SHOC2: variants seen among roughly 807,000 people sequenced by gnomAD.
SHOC2 encodes the protein leucine-rich repeat protein SHOC-2.
A neutral mutation model predicts 50.2 loss-of-function variants in SHOC2; 4 were observed. That is an observed-to-expected ratio of 0.08 (90% CI 0.04 to 0.18). SHOC2 has a LOEUF of 0.18. Ranked by LOEUF, SHOC2 falls within the 10% of genes least tolerant of loss-of-function variation. The pLI, the probability that SHOC2 is intolerant of heterozygous loss-of-function variation, is 1.00. For synonymous variants in SHOC2, 218 were observed against 244.5 expected, an observed-to-expected ratio of 0.89 and a Z score of 1.01; for missense variants, 388 against 669.6, an observed-to-expected ratio of 0.58 and a Z score of 4.64.
intron 1 of SHOC2, among the ~76,000 whole-genome samples, chr10:110,950,834 T>C (rs1847337389): frequency 6.6e-6 from 1 of 152,184 alleles, no homozygotes; most frequent in Admixed American, 6.5e-5. Context: ...CATAAAAATT[T>C]CATTCCTGTA....
At chr10:110,928,620 GC>G (rs993611686) in intron 1 of SHOC2, among the ~76,000 whole-genome samples, 5 of 152,122 alleles carry the variant, frequency 3.3e-5, no homozygotes, top group African/African-American at 1.2e-4. Context: ...TGTATGGCAG[GC>G]ACAGTAGCTT....
chr10:110,940,804 T>C (rs1316596453), intron 1 of SHOC2, among the ~76,000 whole-genome samples: 1 of 152,082 alleles, frequency 6.6e-6, no homozygotes, highest in Non-Finnish European at 1.5e-5. Context: ...ATACGTTTTT[T>C]AGAATGTTTG....
At chr10:110,996,521 C>CT (rs1361196518) in intron 3 of SHOC2, among the ~76,000 whole-genome samples, 1 of 150,826 alleles carries the variant, frequency 6.6e-6, no homozygotes, top group African/African-American at 2.4e-5. Flanking sequence ...GAGTCAGACT[C>CT]TGTCTCTTAA....
intron 1 of SHOC2, among the ~76,000 whole-genome samples, chr10:110,947,444 ACTT>A (rs1847267194): frequency 6.6e-6 from 1 of 152,248 alleles, no homozygotes. Flanking sequence ...AGAGGTGACT[ACTT>A]CTTCAAATAT....
At chr10:110,980,171 T>G (rs1320072480) in intron 2 of SHOC2, among the ~76,000 whole-genome samples, 4 of 151,146 alleles carry the variant, frequency 2.6e-5, no homozygotes, top group Non-Finnish European at 5.9e-5. Flanking sequence ...TTTTTTTTTT[T>G]TTTTTGAGAT....
In SHOC2 at chr10:110,969,584, TA is replaced by T. The variant is rs571023041; in HGVS notation, c.703+4525del. On this transcript the variant is annotated intron_variant, in intron 2 of 8. Coordinates refer to ENST00000369452, the MANE Select transcript of SHOC2 (RefSeq NM_007373.4). ...GTATAAACTTCATTTTGTATTTTGC[TA>T]ATATTCCTGTGATTTCTTTTCTCTC... 5.0e-3 allele frequency among the ~76,000 whole-genome samples: 760 copies of T among 152,312 alleles called. 4 individuals are homozygous for T. The highest frequency in any genetic ancestry group is 0.018 in the African/African-American group (733 of 41,572).
chr10:110,987,658 A>G (rs1382541968), intron 3 of SHOC2, among the ~76,000 whole-genome samples: 1 of 152,186 alleles, frequency 6.6e-6, no homozygotes, highest in Non-Finnish European at 1.5e-5. Context: ...ACCAAGCACA[A>G]TTATTTCATG....
chr10:110,954,672 T>A (rs1354072957), intron 1 of SHOC2, among the ~76,000 whole-genome samples: 1 of 152,084 alleles, frequency 6.6e-6, no homozygotes, highest in Non-Finnish European at 1.5e-5. Context: ...CAAATAAACA[T>A]AAAAGAGTAA....
At chr10:110,958,917 T>G (rs954847777) in intron 1 of SHOC2, among the ~76,000 whole-genome samples, 6 of 152,124 alleles carry the variant, frequency 3.9e-5, no homozygotes, top group African/African-American at 1.4e-4. Flanking sequence ...CTCAAGTACA[T>G]CAGACCTAAT....
chr10:110,921,441 T>C (rs1267432360), intron 1 of SHOC2, among the ~76,000 whole-genome samples: 1 of 152,226 alleles, frequency 6.6e-6, no homozygotes, highest in Non-Finnish European at 1.5e-5. Context: ...AAATTTAATA[T>C]AAAGCCAACA....
At chr10:110,966,481 G>GAAATAT in intron 2 of SHOC2, among the ~76,000 whole-genome samples, 1 of 152,068 alleles carries the variant, frequency 6.6e-6, no homozygotes, top group Non-Finnish European at 1.5e-5. Flanking sequence ...TTTCTACATA[G>GAAATAT]AAATATAAAA....
intron 1 of SHOC2, among the ~76,000 whole-genome samples, chr10:110,952,216 TA>T (rs1239398387): frequency 1.3e-5 from 2 of 152,208 alleles, no homozygotes; most frequent in Non-Finnish European, 2.9e-5. Flanking sequence ...CACTTTTAGA[TA>T]AATTTTAGGT....
chr10:111,008,535 T>G lies in SHOC2; in HGVS notation c.1285-713T>G, dbSNP rs542989958. Among the ~76,000 whole-genome samples, 5 of 152,158 alleles carry G rather than the reference T, an allele frequency of 3.3e-5. No individual in the cohort carries two copies. The South Asian group carries it at 1.0e-3, about 32-fold the overall frequency. ...AGTATCTACCTTGTAGAGTTGTAGT[T>G]AGGATTAAATGCAATAATGCACATA... is the stretch of plus-strand genomic sequence containing the variant. On this transcript the variant is annotated intron_variant, in intron 6 of 8. Coordinates refer to ENST00000369452, the MANE Select transcript of SHOC2 (RefSeq NM_007373.4).
At chr10:110,937,879 A>G (rs1040221000) in intron 1 of SHOC2, among the ~76,000 whole-genome samples, 5 of 152,254 alleles carry the variant, frequency 3.3e-5, no homozygotes, top group Non-Finnish European at 5.9e-5. Flanking sequence ...TAAGCATGAG[A>G]CTAGAGACTA....
intron 2 of SHOC2, among the ~76,000 whole-genome samples, chr10:110,966,251 A>G (rs899668525): frequency 6.6e-6 from 1 of 152,098 alleles, no homozygotes; most frequent in African/African-American, 2.4e-5. Context: ...AAAATTTATG[A>G]TAGGTTTTCT....
At chr10:111,001,066 T>TA (rs893606610) in intron 4 of SHOC2, among the ~76,000 whole-genome samples, 1 of 151,822 alleles carries the variant, frequency 6.6e-6, no homozygotes, top group Non-Finnish European at 1.5e-5. Flanking sequence ...GAATCTTTTT[T>TA]TTTTTTTAAC....
intron 1 of SHOC2, among the ~76,000 whole-genome samples, chr10:110,960,423 C>T (rs1481624211): frequency 6.6e-6 from 1 of 152,148 alleles, no homozygotes; most frequent in African/African-American, 2.4e-5. Flanking sequence ...GATGTTTTAT[C>T]TCTGAAATCC....
intron 3 of SHOC2, among the ~76,000 whole-genome samples, chr10:110,990,508 A>G (rs994636583): frequency 2.9e-5 from 4 of 139,492 alleles, no homozygotes; most frequent in African/African-American, 1.0e-4. Flanking sequence ...GAAACTCTGT[A>G]TCTAACTAAT....
At chr10:110,925,088 AAAAATT>A (rs1353294685) in intron 1 of SHOC2, among the ~76,000 whole-genome samples, 36 of 147,688 alleles carry the variant, frequency 2.4e-4, no homozygotes, top group South Asian at 1.1e-3. Flanking sequence ...AAAAAAAAAA[AAAAATT>A]AAAATAAAAA....
Sources: gnomAD v4.1 joint callset for allele counts (sites outside exome capture counted in the v4.1 genomes callset) on GRCh38, gnomAD v4.1.1 for gene constraint, MANE v1.5 for transcripts, NCBI Gene and HGNC (gene_info 2026-07-23, HGNC 2026-07-21) for gene names.